The following CDH12 variants were observed in gnomAD, a reference collection of about 807,000 sequenced individuals.
CDH12 encodes the protein cadherin-12.
A neutral mutation model predicts 74.1 loss-of-function variants in CDH12; 41 were observed. That is an observed-to-expected ratio of 0.55 (90% CI 0.43 to 0.72). CDH12 has a LOEUF of 0.72. Ranked by LOEUF, CDH12 falls within the 30% of genes least tolerant of loss-of-function variation. The pLI is 0.00. For missense variants in CDH12, 945 were observed against 977.2 expected, an observed-to-expected ratio of 0.97 and a Z score of 0.44; for synonymous variants, 399 against 355.0, an observed-to-expected ratio of 1.12 and a Z score of -1.39.
intron 1 of CDH12, among the ~76,000 whole-genome samples, chr5:22,624,715 T>C (rs1041795065): frequency 3.3e-5 from 5 of 152,176 alleles, no homozygotes; most frequent in African/African-American, 1.2e-4. Context: ...GTTGGTGGGA[T>C]TGTAAACTAG....
intron 14 of CDH12, among the ~76,000 whole-genome samples, chr5:21,754,197 T>C (rs957191643): frequency 1.3e-5 from 2 of 152,100 alleles, no homozygotes; most frequent in African/African-American, 4.8e-5. Flanking sequence ...TCTTTTTCAT[T>C]ACAGGCATAT....
chr5:22,483,555 T>G (rs975704245), intron 2 of CDH12, among the ~76,000 whole-genome samples: 1 of 150,262 alleles, frequency 6.7e-6, no homozygotes, highest in African/African-American at 2.5e-5. Context: ...GAAGACCCTA[T>G]GACAAGGAGG....
chr5:22,774,639 C>T (rs999708166), intron 1 of CDH12, among the ~76,000 whole-genome samples: 5 of 152,126 alleles, frequency 3.3e-5, no homozygotes, highest in Admixed American at 6.6e-5. Flanking sequence ...CTGCCATCCA[C>T]GCAAGACATG....
chr5:22,799,472 T>C (rs1466973866), intron 1 of CDH12, among the ~76,000 whole-genome samples: 1 of 152,198 alleles, frequency 6.6e-6, no homozygotes, highest in Non-Finnish European at 1.5e-5. Flanking sequence ...AATGTGTGTT[T>C]TTATTAACTT....
chr5:22,762,154 T>C (rs1172188568), intron 1 of CDH12, among the ~76,000 whole-genome samples: 1 of 152,248 alleles, frequency 6.6e-6, no homozygotes, highest in Non-Finnish European at 1.5e-5. Flanking sequence ...ACGAAATGTA[T>C]GTAATGTGTA....
At chr5:22,648,359 T>G (rs1220892714) in intron 1 of CDH12, among the ~76,000 whole-genome samples, 1 of 151,760 alleles carries the variant, frequency 6.6e-6, no homozygotes, top group African/African-American at 2.4e-5. Context: ...ACAGATTGAG[T>G]AGATAAGTTC....
intron 1 of CDH12, among the ~76,000 whole-genome samples, chr5:22,604,317 CAG>C (rs1166307973): frequency 6.6e-6 from 1 of 152,288 alleles, no homozygotes; most frequent in African/African-American, 2.4e-5. Context: ...ACAGAATTGA[CAG>C]AGTTATGTTC....
At chr5:22,607,101 C>G (rs922321043) in intron 1 of CDH12, among the ~76,000 whole-genome samples, 1 of 151,998 alleles carries the variant, frequency 6.6e-6, no homozygotes, top group Admixed American at 6.6e-5. Context: ...TTCTAAGCAG[C>G]AAAGCTTTCA....
chr5:22,098,814 C>G (rs1245814351), intron 4 of CDH12, among the ~76,000 whole-genome samples: 1 of 152,130 alleles, frequency 6.6e-6, no homozygotes, highest in African/African-American at 2.4e-5. Context: ...CTGATTATGG[C>G]TTGATTTATT....
intron 4 of CDH12, among the ~76,000 whole-genome samples, chr5:22,181,077 C>G (rs1451285863): frequency 1.3e-5 from 2 of 152,206 alleles, no homozygotes; most frequent in Non-Finnish European, 2.9e-5. Context: ...AGATCATCCT[C>G]TCTTCTCCCT....
intron 2 of CDH12, among the ~76,000 whole-genome samples, chr5:22,458,148 AG>A (rs1362797789): frequency 2.0e-5 from 3 of 152,010 alleles, no homozygotes; most frequent in Non-Finnish European, 2.9e-5. Flanking sequence ...CCAAAGTGCT[AG>A]GATTACAGGC....
In CDH12 at chr5:22,836,223, C is replaced by CTTTTTTTTTTTTTTTTTTT. The variant is rs61616737; in HGVS notation, c.-523+16834_-523+16835insAAAAAAAAAAAAAAAAAAA. The stretch of plus-strand genomic sequence containing the variant: ...TTTTTTTCTTTTTTTCTTTCTTTCT[C>CTTTTTTTTTTTTTTTTTTT]TTTTTTTTTTTTTTTTTTGAGACAG... On this transcript the variant is annotated intron_variant, in intron 1 of 14. Transcript: ENST00000382254. Among the ~76,000 whole-genome samples the CTTTTTTTTTTTTTTTTTTT allele has an allele frequency of 3.7e-3, 245 of 65,500 alleles. 46 individuals are homozygous for CTTTTTTTTTTTTTTTTTTT. Among genetic ancestry groups the CTTTTTTTTTTTTTTTTTTT allele is most frequent in the Admixed American group, 5.2e-3 (18 of 3,470 alleles). 43.0% of individuals were successfully genotyped at this position (65,500 alleles called of 152,430 possible). A position where few individuals can be genotyped will look rare whatever the true frequency, so the allele number is the denominator to read the frequency against.
chr5:22,058,034 T>TATCTATCTATC (rs2150201713), intron 5 of CDH12, among the ~76,000 whole-genome samples: 1 of 151,790 alleles, frequency 6.6e-6, no homozygotes, highest in South Asian at 2.1e-4. Context: ...TCTATCTATC[T>TATCTATCTATC]ATCTATCTAT....
chr5:22,124,403 C>T (rs1333408971), intron 4 of CDH12, among the ~76,000 whole-genome samples: 1 of 152,096 alleles, frequency 6.6e-6, no homozygotes, highest in East Asian at 1.9e-4. Flanking sequence ...GGATTACAGG[C>T]GTGAGCCACC....
At chr5:22,774,883 A>G (rs1463190665) in intron 1 of CDH12, among the ~76,000 whole-genome samples, 1 of 152,076 alleles carries the variant, frequency 6.6e-6, no homozygotes, top group Non-Finnish European at 1.5e-5. Flanking sequence ...ATTGAATTCT[A>G]TGCTCACTAC....
intron 10 of CDH12, among the ~76,000 whole-genome samples, chr5:21,783,951 A>T (rs1035164142): frequency 6.6e-6 from 1 of 152,170 alleles, no homozygotes; most frequent in African/African-American, 2.4e-5. Flanking sequence ...ATGGAAACAA[A>T]CGGTAAATTT....
Position 22,103,145 on chromosome 5 carries a change from C to T in CDH12, c.-186-24283G>A, listed in dbSNP as rs1343500806. ...GGTGACAGAGAAAGAAAAACAAAAG[C>T]CATACTACCATGACAGCTTCTAATC... On this transcript the variant is annotated intron_variant, in intron 4 of 14. Transcript: ENST00000382254. 1.3e-5 allele frequency among the ~76,000 whole-genome samples: 2 copies of T among 152,086 alleles called. 1 individual carries two copies. The highest frequency in any genetic ancestry group is 3.9e-4 in the East Asian group (2 of 5,190).
intron 3 of CDH12, among the ~76,000 whole-genome samples, chr5:22,313,040 T>C (rs1223256156): frequency 2.0e-5 from 3 of 152,212 alleles, no homozygotes; most frequent in African/African-American, 7.2e-5. Context: ...ATCAGCATCC[T>C]AGGCCACTAC....
At chr5:22,813,496 T>C (rs1387060291) in intron 1 of CDH12, among the ~76,000 whole-genome samples, 1 of 152,176 alleles carries the variant, frequency 6.6e-6, no homozygotes, top group Non-Finnish European at 1.5e-5. Flanking sequence ...ACATCCTGGT[T>C]TCCACACCTT....
Sources: allele counts gnomAD v4.1 joint callset (sites outside exome capture counted in the v4.1 genomes callset), GRCh38; gene constraint gnomAD v4.1.1; transcripts MANE v1.5; gene names NCBI Gene and HGNC (gene_info 2026-07-23, HGNC 2026-07-21).